Variants in NLGN1 observed in about 807,000 individuals in gnomAD.
NLGN1 encodes neuroligin 1, also known as neuroligin-1.
Under a neutral mutation model 65.5 loss-of-function variants are expected in NLGN1, and 12 were observed. The ratio of observed to expected loss-of-function variants is 0.18; its 90% confidence interval spans 0.12 to 0.30. The LOEUF is 0.30. NLGN1 is among the 10% of genes least tolerant of loss of function. The pLI is 1.00. For missense variants in NLGN1, 750 were observed against 1,007.1 expected (o/e 0.74, Z 3.46); for synonymous variants, 350 against 359.5 (o/e 0.97, Z 0.30).
chr3:174,232,444 C>T (rs2152819053), intron 4 of NLGN1, among the ~76,000 whole-genome samples: 1 of 152,250 alleles, frequency 6.6e-6, no homozygotes, highest in East Asian at 1.9e-4. Flanking sequence ...TGACAGGAGC[C>T]ATAGGCTGTT....
intron 2 of NLGN1, among the ~76,000 whole-genome samples, chr3:173,590,558 A>G (rs918911649): frequency 1.3e-5 from 2 of 152,166 alleles, no homozygotes; most frequent in African/African-American, 4.8e-5. Context: ...CGCCTAGAGA[A>G]CAGTACCTGG....
intron 3 of NLGN1, among the ~76,000 whole-genome samples, chr3:173,726,809 CTTT>C (rs5854530): frequency 6.6e-6 from 1 of 151,328 alleles, no homozygotes; most frequent in Non-Finnish European, 1.5e-5. Flanking sequence ...TACTTTATTG[CTTT>C]TTTATTACCT....
At chr3:174,135,716 A>G (rs1721084913) in intron 4 of NLGN1, among the ~76,000 whole-genome samples, 1 of 152,166 alleles carries the variant, frequency 6.6e-6, no homozygotes, top group Non-Finnish European at 1.5e-5. Flanking sequence ...TGGTCATTTG[A>G]TACTTAGTTT....
intron 3 of NLGN1, among the ~76,000 whole-genome samples, chr3:173,746,777 TG>T (rs763918030): frequency 1.3e-5 from 2 of 151,954 alleles, no homozygotes; most frequent in African/African-American, 2.4e-5. Context: ...ACCTTTAGGC[TG>T]GGGGTGCTAA....
chr3:174,021,010 A>G (rs909143204), intron 4 of NLGN1, among the ~76,000 whole-genome samples: 8 of 151,892 alleles, frequency 5.3e-5, no homozygotes, highest in African/African-American at 1.9e-4. Context: ...CTCATAAATA[A>G]CTGTGCCACT....
intron 3 of NLGN1, among the ~76,000 whole-genome samples, chr3:173,740,243 T>C (rs1305328578): frequency 2.0e-5 from 3 of 152,090 alleles, no homozygotes; most frequent in Non-Finnish European, 4.4e-5. Flanking sequence ...AAATTACTGG[T>C]ATATATGGAA....
intron 3 of NLGN1, among the ~76,000 whole-genome samples, chr3:173,639,573 G>T (rs1449829377): frequency 6.6e-6 from 1 of 152,180 alleles, no homozygotes; most frequent in African/African-American, 2.4e-5. Context: ...TGAGATTTAA[G>T]TGCAGAAATA....
Position 174,120,798 on chromosome 3 carries a change from C to T in NLGN1, c.647-154517C>T, listed in dbSNP as rs796125331. Among the ~76,000 whole-genome samples, 7 of 152,096 alleles carry T rather than the reference C, an allele frequency of 4.6e-5. No individual in the cohort carries two copies. In the South Asian group the frequency reaches 1.5e-3, roughly 32 times the overall value. ...TGCTCCCAAAAGGTAAAGTTTAAAC[C>T]TCAAAAAGATAGTTTCTTGGCCAAG... On this transcript the variant is annotated intron_variant, in intron 4 of 6. Transcript: ENST00000457714.
intron 2 of NLGN1, among the ~76,000 whole-genome samples, chr3:173,594,736 C>T (rs1468937356): frequency 1.3e-5 from 2 of 152,226 alleles, no homozygotes; most frequent in African/African-American, 2.4e-5. Flanking sequence ...AAACTTCAGC[C>T]TGGGCATCCA....
At chr3:174,064,646 G>A (rs979650997) in intron 4 of NLGN1, among the ~76,000 whole-genome samples, 1 of 150,236 alleles carries the variant, frequency 6.7e-6, no homozygotes, top group Non-Finnish European at 1.5e-5. Context: ...GGATATATGT[G>A]TGAATATATA....
intron 3 of NLGN1, among the ~76,000 whole-genome samples, chr3:173,670,647 G>C (rs1020310324): frequency 6.6e-6 from 1 of 152,204 alleles, no homozygotes; most frequent in African/African-American, 2.4e-5. Flanking sequence ...GAACTAATGC[G>C]TGGTTCAGAA....
chr3:173,524,460 T>C (rs139742865), intron 2 of NLGN1, among the ~76,000 whole-genome samples: 1 of 152,294 alleles, frequency 6.6e-6, no homozygotes, highest in African/African-American at 2.4e-5. Flanking sequence ...CTAGGAGTTT[T>C]GCGGACGAAT....
At chr3:173,969,151 A>T (rs1715606886) in intron 4 of NLGN1, among the ~76,000 whole-genome samples, 1 of 152,130 alleles carries the variant, frequency 6.6e-6, no homozygotes, top group Non-Finnish European at 1.5e-5. Flanking sequence ...AAAAGACTTA[A>T]GGATGAGTTC....
chr3:174,206,249 T>C (rs1014013361), intron 4 of NLGN1, among the ~76,000 whole-genome samples: 3 of 152,108 alleles, frequency 2.0e-5, no homozygotes, highest in Non-Finnish European at 4.4e-5. Context: ...TGAGGAGGCA[T>C]TGTGTTCCTT....
intron 4 of NLGN1, among the ~76,000 whole-genome samples, chr3:174,035,868 G>A (rs1731027323): frequency 6.6e-6 from 1 of 152,088 alleles, no homozygotes. Flanking sequence ...TCTAGATAAT[G>A]TGCTGACCTG....
At chr3:174,159,161 T>C (rs1208796971) in intron 4 of NLGN1, among the ~76,000 whole-genome samples, 1 of 151,700 alleles carries the variant, frequency 6.6e-6, no homozygotes, top group Non-Finnish European at 1.5e-5. Context: ...CCCTAGGAAA[T>C]GGCTACTACC....
intron 2 of NLGN1, among the ~76,000 whole-genome samples, chr3:173,474,379 G>A (rs1031298073): frequency 2.0e-5 from 3 of 151,962 alleles, no homozygotes; most frequent in East Asian, 1.9e-4. Flanking sequence ...TCTGTGAAGC[G>A]TTGCATCTTC....
chr3:173,786,019 G>C (rs1285706692), intron 3 of NLGN1, among the ~76,000 whole-genome samples: 1 of 152,164 alleles, frequency 6.6e-6, no homozygotes, highest in Non-Finnish European at 1.5e-5. Context: ...TCCTTAAAAT[G>C]TGGTACATAG....
At chr3:173,706,770 TA>T (rs1768105766) in intron 3 of NLGN1, among the ~76,000 whole-genome samples, 3 of 152,238 alleles carry the variant, frequency 2.0e-5, no homozygotes. Context: ...CAGACATGGT[TA>T]TACACATAGA....
Sources: gnomAD v4.1 joint callset for allele counts (sites outside exome capture counted in the v4.1 genomes callset) on GRCh38, gnomAD v4.1.1 for gene constraint, MANE v1.5 for transcripts, NCBI Gene and HGNC (gene_info 2026-07-23, HGNC 2026-07-21) for gene names.